Variants in NKAIN2 observed in about 807,000 individuals in gnomAD.
NKAIN2 encodes the protein sodium/potassium-transporting ATPase subunit beta-1-interacting protein 2.
A neutral mutation model predicts 32.6 loss-of-function variants in NKAIN2; 14 were observed. The ratio of observed to expected loss-of-function variants is 0.43; its 90% CI spans 0.28 to 0.67. NKAIN2 has a LOEUF of 0.67. Ranked by LOEUF, NKAIN2 falls within the 30% of genes least tolerant of loss-of-function variation. NKAIN2 has a pLI of 0.17. For synonymous variants in NKAIN2, 80 were observed against 87.2 expected, an observed-to-expected ratio of 0.92 and a Z score of 0.46; for missense variants, 198 against 258.3, an observed-to-expected ratio of 0.77 and a Z score of 1.60.
At chr6:124,384,822 C>T (rs1319569447) in intron 3 of NKAIN2, among the ~76,000 whole-genome samples, 1 of 152,018 alleles carries the variant, frequency 6.6e-6, no homozygotes, top group Non-Finnish European at 1.5e-5. Flanking sequence ...GGGGTTTTGC[C>T]ATGTTGCCCA....
rs888974049 is a variant in NKAIN2 at position 124,031,609 on chromosome 6, G to T, written c.54+227355G>T. Among the ~76,000 whole-genome samples the T allele has an allele frequency of 4.6e-5, 7 of 152,104 alleles. No homozygotes were observed. The South Asian group carries it at 1.4e-3, about 31-fold the overall frequency. On this transcript the variant is annotated intron_variant, in intron 1 of 6. Coordinates refer to ENST00000368417, the MANE Select transcript of NKAIN2 (RefSeq NM_001040214.3). The stretch of plus-strand genomic sequence containing the variant: ...TGTCCCAGAGATTCTGGTATGTTGT[G>T]TCTTTGTTCTCACTGGTTTCAAAGA...
intron 1 of NKAIN2, among the ~76,000 whole-genome samples, chr6:124,067,748 G>A (rs990488401): frequency 2.6e-5 from 4 of 152,192 alleles, no homozygotes; most frequent in African/African-American, 9.6e-5. Flanking sequence ...GATATGTTTT[G>A]TCTTGAACGT....
intron 1 of NKAIN2, among the ~76,000 whole-genome samples, chr6:124,028,397 G>T (rs1441284862): frequency 1.4e-5 from 2 of 142,140 alleles, no homozygotes; most frequent in African/African-American, 5.2e-5. Flanking sequence ...CACTTGAGGT[G>T]GGGGGAGGGG....
intron 1 of NKAIN2, among the ~76,000 whole-genome samples, chr6:124,127,902 CT>C (rs1323270505): frequency 6.6e-6 from 1 of 152,138 alleles, no homozygotes; most frequent in Middle Eastern, 3.2e-3. Context: ...TCTTGGCTCA[CT>C]GCACCCTCCG....
At chr6:123,905,742 C>T (rs144144674) in intron 1 of NKAIN2, among the ~76,000 whole-genome samples, 10 of 152,112 alleles carry the variant, frequency 6.6e-5, no homozygotes, top group Non-Finnish European at 1.3e-4. Context: ...GGAAACACTA[C>T]CAATGGGGAT....
chr6:123,999,472 T>C (rs1036623734), intron 1 of NKAIN2, among the ~76,000 whole-genome samples: 1 of 152,140 alleles, frequency 6.6e-6, no homozygotes, highest in African/African-American at 2.4e-5. Context: ...TTCCTACAAG[T>C]TGAGAGCAAT....
At chr6:124,568,947 TC>T (rs1169824923) in intron 3 of NKAIN2, among the ~76,000 whole-genome samples, 2 of 151,800 alleles carry the variant, frequency 1.3e-5, no homozygotes, top group Non-Finnish European at 2.9e-5. Context: ...TGTTCTGTCC[TC>T]CCTTTCCTAA....
chr6:124,820,684 C>T lies in NKAIN2; in HGVS notation c.617+2216C>T, dbSNP rs147805222. ...GGTCTGTTAGGAGCTGAGCACAGAG[C>T]AGGAGGTGAGCAGCAGGTGAGGGAA... On this transcript the variant is annotated intron_variant, in intron 6 of 6. Coordinates refer to ENST00000368417, the MANE Select transcript of NKAIN2 (RefSeq NM_001040214.3). Among the ~76,000 whole-genome samples the T allele has an allele frequency of 1.4e-3, 209 of 152,296 alleles. 2 individuals are homozygous for T. The highest frequency in any genetic ancestry group is 4.8e-3 in the African/African-American group (201 of 41,556).
Position 124,228,157 on chromosome 6 carries a change from T to G in NKAIN2, c.55-54848T>G, listed in dbSNP as rs74922509. On this transcript the variant is annotated intron_variant, in intron 1 of 6. Transcript: ENST00000368417. ...CTGTTATGGACTGAATGTTTTTGGT[T>G]CCCCCAAATTCATAAGTTGAAACCT... Among the ~76,000 whole-genome samples the G allele has an allele frequency of 2.5e-3, 380 of 152,282 alleles. 3 individuals are homozygous for G. Among genetic ancestry groups the G allele is most frequent in the Non-Finnish European group, 4.7e-3 (319 of 68,020 alleles).
At chr6:124,129,355 C>T (rs1786339303) in intron 1 of NKAIN2, among the ~76,000 whole-genome samples, 1 of 152,066 alleles carries the variant, frequency 6.6e-6, no homozygotes. Flanking sequence ...AAGATTTATG[C>T]TGAGAATGCC....
intron 3 of NKAIN2, among the ~76,000 whole-genome samples, chr6:124,638,557 G>GCAA (rs373766706): frequency 6.6e-6 from 1 of 151,904 alleles, no homozygotes; most frequent in East Asian, 1.9e-4. Flanking sequence ...AAATGACTCA[G>GCAA]CAACAACAAC....
At chr6:124,500,745 A>G (rs1284791331) in intron 3 of NKAIN2, among the ~76,000 whole-genome samples, 1 of 152,024 alleles carries the variant, frequency 6.6e-6, no homozygotes, top group Non-Finnish European at 1.5e-5. Context: ...TAAAGACAAC[A>G]ATGTATAGTC....
intron 1 of NKAIN2, among the ~76,000 whole-genome samples, chr6:124,182,615 G>C (rs1406685301): frequency 1.3e-5 from 2 of 152,124 alleles, no homozygotes; most frequent in Non-Finnish European, 2.9e-5. Context: ...TTCAGTACCA[G>C]GTGGTTTTAT....
chr6:123,918,666 C>T (rs1180503349), intron 1 of NKAIN2, among the ~76,000 whole-genome samples: 1 of 151,972 alleles, frequency 6.6e-6, no homozygotes, highest in Admixed American at 6.6e-5. Flanking sequence ...ATCAGATTAC[C>T]CTTCATTCTG....
chr6:123,968,129 C>G (rs1170468436), intron 1 of NKAIN2, among the ~76,000 whole-genome samples: 1 of 152,190 alleles, frequency 6.6e-6, no homozygotes, highest in African/African-American at 2.4e-5. Context: ...TGTTGGAATT[C>G]TCGCCCAACT....
chr6:124,111,383 T>G (rs560232221), intron 1 of NKAIN2, among the ~76,000 whole-genome samples: 1 of 152,244 alleles, frequency 6.6e-6, no homozygotes, highest in South Asian at 2.1e-4. Context: ...CGAGGTGCTC[T>G]GATGTTGAGT....
In NKAIN2 at chr6:124,223,480, C is replaced by T. The variant is rs909761140; in HGVS notation, c.55-59525C>T. On this transcript the variant is annotated intron_variant, in intron 1 of 6. Transcript: ENST00000368417. ...TCTACCATTGGGTGTCTTTTCCTCA[C>T]CCTTCCTGGACTCTGTTTTTGTTCT... Among the ~76,000 whole-genome samples the T allele has an allele frequency of 1.4e-4, 21 of 152,082 alleles. 1 individual carries two copies. The highest frequency in any genetic ancestry group is 4.1e-4 in the African/African-American group (17 of 41,422).
chr6:124,815,214 CTATATATATACA>C (rs1165343734), intron 5 of NKAIN2, among the ~76,000 whole-genome samples: 1 of 68,792 alleles, frequency 1.5e-5, no homozygotes, highest in East Asian at 3.4e-4. Context: ...CAGTCTTAAA[CTATATATATACA>C]TATATATATA....
chr6:124,533,128 A>G (rs1054088442), intron 3 of NKAIN2, among the ~76,000 whole-genome samples: 2 of 152,022 alleles, frequency 1.3e-5, no homozygotes, highest in African/African-American at 4.8e-5. Context: ...CTGATCTACT[A>G]TTTTTTATCT....
Sources: gnomAD v4.1 joint callset for allele counts (sites outside exome capture counted in the v4.1 genomes callset) on GRCh38, gnomAD v4.1.1 for gene constraint, MANE v1.5 for transcripts, NCBI Gene and HGNC (gene_info 2026-07-23, HGNC 2026-07-21) for gene names.